PROCR: variants seen among roughly 807,000 people sequenced by gnomAD.
PROCR encodes endothelial protein C receptor.
In PROCR, 22 loss-of-function variants were observed where a neutral mutation model predicts 24.2. That is an observed-to-expected ratio of 0.91 (90% CI 0.65 to 1.30). The LOEUF (loss-of-function observed/expected upper bound fraction) is 1.30. Ranked by LOEUF, PROCR falls within the 50% of genes most tolerant of loss-of-function variation. PROCR has a pLI of 0.00. For missense variants in PROCR, 288 were observed against 307.7 expected (o/e 0.94, Z 0.48); for synonymous variants, 137 against 139.2 (o/e 0.98, Z 0.11).
At chr20:35,178,261 A>C (rs2086041121), downstream of PROCR, among the ~76,000 whole-genome samples, 1 of 151,370 alleles carries the variant, frequency 6.6e-6, no homozygotes, top group East Asian at 2.0e-4. Flanking sequence ...AAAATTAGCT[A>C]AGTTTGGTGG....
chr20:35,174,753 A>T lies in PROCR; in HGVS notation c.122A>T (p.His41Leu). ...ATCTCCTACTTCCGCGACCCCTATCACGTGTGGTACCAGGGCAACGCGTCG... is the reference window on the plus strand; with the variant it reads ...ATCTCCTACTTCCGCGACCCCTATCTCGTGTGGTACCAGGGCAACGCGTCG... ...LQISYFRDPYHVWYQGNASLG... is the reference protein window; with the variant it reads ...LQISYFRDPYLVWYQGNASLG... The change falls in exon 2 of 4, where the codon CAC becomes CTC. Residue 41 changes from histidine (H) to leucine (L), a missense_variant. Coordinates refer to ENST00000216968, the MANE Select transcript of PROCR (RefSeq NM_006404.5). 6.2e-7 allele frequency: 1 copy of T among 1,613,810 alleles called. No individual in the cohort carries two copies. Among genetic ancestry groups the T allele is most frequent in the Non-Finnish European group, 8.5e-7 (1 of 1,179,962 alleles).
intron 2 of PROCR, among the ~76,000 whole-genome samples, chr20:35,175,420 C>T (rs2086002090): frequency 6.7e-6 from 1 of 149,406 alleles, no homozygotes; most frequent in Non-Finnish European, 1.5e-5. Context: ...ACCCCAAGTT[C>T]TTCTCTCAAA....
intron 1 of PROCR, among the ~76,000 whole-genome samples, chr20:35,210,334 T>C (rs1278051646): frequency 6.6e-6 from 1 of 152,048 alleles, no homozygotes; most frequent in East Asian, 1.9e-4. Flanking sequence ...TGTTTGAGCT[T>C]AGGAATTGAG....
chr20:35,177,627 TAG>T (rs2086034259), downstream of PROCR, among the ~76,000 whole-genome samples: 1 of 151,936 alleles, frequency 6.6e-6, no homozygotes, highest in African/African-American at 2.4e-5. Flanking sequence ...TTTGTATTTT[TAG>T]TAGAGATGGG....
At chr20:35,183,865 A>G (rs2086099830) in intron 1 of PROCR, among the ~76,000 whole-genome samples, 1 of 152,180 alleles carries the variant, frequency 6.6e-6, no homozygotes, top group South Asian at 2.1e-4. Flanking sequence ...GATGCCCAAC[A>G]TCGTTATAGT....
intron 1 of PROCR, among the ~76,000 whole-genome samples, chr20:35,213,322 G>C (rs1006740829): frequency 6.6e-6 from 1 of 150,868 alleles, no homozygotes; most frequent in African/African-American, 2.4e-5. Flanking sequence ...AACGGAGCGA[G>C]ACTGTCTCAA....
chr20:35,211,933 C>T (rs1203654911), intron 1 of PROCR, among the ~76,000 whole-genome samples: 5 of 151,926 alleles, frequency 3.3e-5, no homozygotes, highest in Non-Finnish European at 5.9e-5. Context: ...AGGAGAATTG[C>T]TTGAACCTAG....
Position 35,190,730 on chromosome 20 carries a change from A to T in PROCR, c.94+14284A>T, listed in dbSNP as rs537792020. Among the ~76,000 whole-genome samples, 3 of 152,326 alleles carry T rather than the reference A, an allele frequency of 2.0e-5. No individual in the cohort carries two copies. In the East Asian group the frequency reaches 5.8e-4, roughly 29 times the overall value. ...TCTGACCCAGCAATTCAATAATGGA[A>T]CTGGCTGTTTCACAGAGTAGTGAAC... On this transcript the variant is annotated intron_variant, in intron 1 of 1. Coordinates refer to the PROCR transcript ENST00000634509.
chr20:35,205,628 G>T (rs2060335483), intron 1 of PROCR, among the ~76,000 whole-genome samples: 1 of 149,884 alleles, frequency 6.7e-6, no homozygotes, highest in African/African-American at 2.5e-5. Flanking sequence ...GTGCATGCTT[G>T]TAATCCCAGC....
chr20:35,176,485 A>C, intron 3 of PROCR, 39 bp downstream of exon 3: 2 of 1,609,714 alleles, frequency 1.2e-6, no homozygotes, highest in African/African-American at 1.3e-5. Context: ...AGCTGGGGAG[A>C]GGGCGGGTTC....
chr20:35,176,472 G>A, intron 3 of PROCR, 26 bp downstream of exon 3: 1 of 1,611,198 alleles, frequency 6.2e-7, no homozygotes, highest in Non-Finnish European at 8.5e-7. Flanking sequence ...GCCCAGGCCT[G>A]CAAGCTGGGG....
At chr20:35,196,748 C>T (rs964807928) in intron 1 of PROCR, among the ~76,000 whole-genome samples, 1 of 151,972 alleles carries the variant, frequency 6.6e-6, no homozygotes, top group East Asian at 1.9e-4. Flanking sequence ...GAAATAATAC[C>T]AAAAGGAAAC....
chr20:35,179,558 G>A (rs971268573), downstream of PROCR, among the ~76,000 whole-genome samples: 1 of 151,874 alleles, frequency 6.6e-6, no homozygotes, highest in African/African-American at 2.4e-5. Flanking sequence ...GATAGTGTAT[G>A]TATAGTCAGT....
At chr20:35,190,919 G>A (rs866479019) in intron 1 of PROCR, among the ~76,000 whole-genome samples, 10 of 152,246 alleles carry the variant, frequency 6.6e-5, no homozygotes, top group African/African-American at 2.2e-4. Flanking sequence ...GAGTGCAGTG[G>A]TGTGATCTCG....
At chr20:35,185,030 C>CAAAAAAAAAAA (rs55715132) in intron 1 of PROCR, among the ~76,000 whole-genome samples, 2 of 104,104 alleles carry the variant, frequency 1.9e-5, no homozygotes, top group African/African-American at 3.5e-5. Flanking sequence ...ATCAGTAAGA[C>CAAAAAAAAAAA]AAAAAAAAAA....
chr20:35,189,156 AC>A (rs1457432055), intron 1 of PROCR, among the ~76,000 whole-genome samples: 3 of 152,196 alleles, frequency 2.0e-5, no homozygotes, highest in Non-Finnish European at 2.9e-5. Flanking sequence ...GCTGGGCAGG[AC>A]AGAGCCATAT....
At chr20:35,205,910 C>T (rs200839239) in intron 1 of PROCR, among the ~76,000 whole-genome samples, 3 of 147,592 alleles carry the variant, frequency 2.0e-5, no homozygotes, top group South Asian at 2.2e-4. Flanking sequence ...CCGGTGATCC[C>T]CCCCCCAACC....
At chr20:35,214,912 T>TC (rs111967666) in intron 1 of PROCR, among the ~76,000 whole-genome samples, 5,871 of 145,790 alleles carry the variant, frequency 0.04, 415 homozygotes, top group African/African-American at 0.14. Context: ...TTTTTCTTTT[T>TC]TTTTTTTTTT....
chr20:35,177,692 C>G (rs1028355010), downstream of PROCR, among the ~76,000 whole-genome samples: 1 of 151,870 alleles, frequency 6.6e-6, no homozygotes, highest in African/African-American at 2.4e-5. Context: ...TCGGCCTCCC[C>G]AAGTGCTGGG....
Sources: allele counts gnomAD v4.1 joint callset (sites outside exome capture counted in the v4.1 genomes callset), GRCh38; gene constraint gnomAD v4.1.1; transcripts MANE v1.5; gene names NCBI Gene and HGNC (gene_info 2026-07-23, HGNC 2026-07-21).